Variants in THSD4 observed in about 807,000 individuals in gnomAD.
The protein encoded by THSD4 is thrombospondin type 1 domain containing 4, also known as thrombospondin type-1 domain-containing protein 4.
A neutral mutation model predicts 119.0 loss-of-function variants in THSD4; 69 were observed. The observed-to-expected ratio is 0.58, with a 90% CI of 0.48 to 0.71. The LOEUF (loss-of-function observed/expected upper bound fraction) is 0.71, where lower values mean the gene tolerates loss of function less well. Ranked by LOEUF, THSD4 falls within the 30% of genes least tolerant of loss-of-function variation. The pLI is 0.00. For missense variants in THSD4, 1,393 were observed against 1,391.1 expected (o/e 1.00, Z -0.02); for synonymous variants, 524 against 540.4 (o/e 0.97, Z 0.42).
chr15:71,639,532 A>G (rs1170705979), intron 7 of THSD4, among the ~76,000 whole-genome samples: 1 of 152,208 alleles, frequency 6.6e-6, no homozygotes, highest in Non-Finnish European at 1.5e-5. Context: ...ATTTTACTTA[A>G]TTCAAGAATT....
At chr15:71,585,219 T>C (rs2140857931) in intron 7 of THSD4, among the ~76,000 whole-genome samples, 1 of 152,356 alleles carries the variant, frequency 6.6e-6, no homozygotes, top group East Asian at 1.9e-4. Context: ...AATTCGTGTC[T>C]TTTTGTTTCA....
chr15:71,140,842 C>T (rs982143704), intron 1 of THSD4, among the ~76,000 whole-genome samples: 6 of 152,114 alleles, frequency 3.9e-5, no homozygotes, highest in Non-Finnish European at 8.8e-5. Flanking sequence ...AAACACTGTA[C>T]CCTCCCATGA....
intron 7 of THSD4, among the ~76,000 whole-genome samples, chr15:71,473,958 G>A (rs9635318): frequency 0.18 from 26,772 of 152,036 alleles, 2,702 homozygotes; most frequent in South Asian, 0.36. Flanking sequence ...AAAGCATCCC[G>A]GGATCTCACT....
chr15:71,438,890 C>A (rs1209584731), intron 7 of THSD4, among the ~76,000 whole-genome samples: 1 of 152,172 alleles, frequency 6.6e-6, no homozygotes, highest in African/African-American at 2.4e-5. Flanking sequence ...CTTAACAAGA[C>A]TTCCTGTTTA....
chr15:71,535,307 T>C (rs1305945026), intron 7 of THSD4, among the ~76,000 whole-genome samples: 1 of 152,238 alleles, frequency 6.6e-6, no homozygotes, highest in East Asian at 1.9e-4. Flanking sequence ...CATGTATCGA[T>C]ACTTCGTTGC....
chr15:71,765,147 C>G lies in THSD4; in HGVS notation c.2717C>G (p.Ser906Cys). The change falls in exon 16 of 18, where the codon TCC becomes TGC. Residue 906 changes from serine (S) to cysteine (C), a missense_variant. Ser to Cys is a moderately radical substitution (Grantham distance 112, BLOSUM62 -1). Coordinates refer to ENST00000261862, the MANE Select transcript of THSD4 (RefSeq NM_024817.3). Reference sequence around the variant, plus strand: ...CTGGAGAAACCCCCCAGCCAGCAATCCTGCCACCTCAAGCCTTGCGGAGCC... The same window carrying G: ...CTGGAGAAACCCCCCAGCCAGCAATGCTGCCACCTCAAGCCTTGCGGAGCC... ...SFLEKPPSQQSCHLKPCGAKW... is the reference protein window; with the variant it reads ...SFLEKPPSQQCCHLKPCGAKW... 4 of 1,614,224 alleles carry G rather than the reference C, an allele frequency of 2.5e-6. No homozygotes were observed. Among genetic ancestry groups the G allele is most frequent in the Non-Finnish European group, 3.4e-6 (4 of 1,180,044 alleles).
intron 5 of THSD4, among the ~76,000 whole-genome samples, chr15:71,248,679 T>C (rs1430571633): frequency 1.3e-5 from 2 of 152,116 alleles, no homozygotes; most frequent in Non-Finnish European, 2.9e-5. Context: ...AATGGATTTA[T>C]CCATATGGAG....
At position 71,155,044 on chromosome 15, in the gene THSD4, G is replaced by A. The variant is rs563147886; in HGVS notation, c.99+112G>A. The stretch of plus-strand genomic sequence containing the variant: ...AGGTGAGTCACCACTGATCCTGAAA[G>A]GAAGCACCATTTACAGAATATGGAG... On this transcript the variant is annotated intron_variant, in intron 3 of 17. Transcript: ENST00000261862. 4.1e-6 allele frequency: 4 copies of A among 976,716 alleles called. No individual in the cohort carries two copies. The African/African-American group carries it at 4.8e-5, about 12-fold the overall frequency. 60.5% of individuals were successfully genotyped at this position (976,716 alleles called of 1,614,324 possible). A position where few individuals can be genotyped will look rare whatever the true frequency, so the allele number is the denominator to read the frequency against.
chr15:71,228,657 G>C (rs1161231125), intron 4 of THSD4, among the ~76,000 whole-genome samples: 3 of 152,160 alleles, frequency 2.0e-5, no homozygotes, highest in African/African-American at 7.2e-5. Context: ...GAGCCAGTAG[G>C]CTGCAGAGCA....
chr15:71,366,662 A>T (rs977785537), intron 6 of THSD4, among the ~76,000 whole-genome samples: 4 of 152,086 alleles, frequency 2.6e-5, no homozygotes, highest in African/African-American at 9.7e-5. Flanking sequence ...TTTCAAATCA[A>T]TGCAGTCTGG....
At chr15:71,351,363 G>A (rs907786062) in intron 6 of THSD4, among the ~76,000 whole-genome samples, 1 of 151,730 alleles carries the variant, frequency 6.6e-6, no homozygotes, top group African/African-American at 2.4e-5. Flanking sequence ...GATTGCAAAG[G>A]GAAAAGAAAA....
At position 71,432,049 on chromosome 15, in the gene THSD4, T is replaced by A. The variant is rs192811351; in HGVS notation, c.1152+20226T>A. On this transcript the variant is annotated intron_variant, in intron 7 of 17. Transcript: ENST00000261862. The stretch of plus-strand genomic sequence containing the variant: ...TTTTTGTGGCATACAAGATTTAACA[T>A]TACGATTATGACTGGTAACATAAAC... 1.6e-4 allele frequency among the ~76,000 whole-genome samples: 24 copies of A among 152,266 alleles called. No homozygotes were observed. The East Asian group carries it at 4.1e-3, about 26-fold the overall frequency.
chr15:71,407,347 G>A lies in THSD4; in HGVS notation c.1016-4340G>A, dbSNP rs188702411. 1.4e-4 allele frequency among the ~76,000 whole-genome samples: 21 copies of A among 152,222 alleles called. No individual in the cohort carries two copies. In the East Asian group the frequency reaches 3.5e-3, roughly 25 times the overall value. On this transcript the variant is annotated intron_variant, in intron 6 of 17. Coordinates refer to ENST00000261862, the MANE Select transcript of THSD4 (RefSeq NM_024817.3). ...TGCTTAGGATCAGCTTTCTTGGGTC[G>A]GCTAAGTCATTACAATGAGTCCTTC...
intron 6 of THSD4, among the ~76,000 whole-genome samples, chr15:71,264,952 A>C (rs147199379): frequency 6.6e-6 from 1 of 152,104 alleles, no homozygotes; most frequent in African/African-American, 2.4e-5. Context: ...CCCCCAGCGT[A>C]TTTGAAGATG....
At chr15:71,495,927 G>A (rs191597928) in intron 7 of THSD4, among the ~76,000 whole-genome samples, 4 of 152,288 alleles carry the variant, frequency 2.6e-5, no homozygotes, top group Admixed American at 6.5e-5. Context: ...CTTTGGCAGC[G>A]TTCAGGACAG....
chr15:71,708,533 G>A (rs942818628), intron 8 of THSD4, among the ~76,000 whole-genome samples: 2 of 152,174 alleles, frequency 1.3e-5, no homozygotes, highest in Non-Finnish European at 2.9e-5. Flanking sequence ...AACTGAAAGG[G>A]TATATCATTT....
At chr15:71,442,236 A>T (rs1002973193) in intron 7 of THSD4, among the ~76,000 whole-genome samples, 1 of 151,236 alleles carries the variant, frequency 6.6e-6, no homozygotes, top group Non-Finnish European at 1.5e-5. Flanking sequence ...GGGATTACAG[A>T]CATGAGCCAC....
At chr15:71,445,784 CAGAA>C (rs2047172139) in intron 7 of THSD4, among the ~76,000 whole-genome samples, 1 of 152,212 alleles carries the variant, frequency 6.6e-6, no homozygotes, top group South Asian at 2.1e-4. Flanking sequence ...GCTAATGGCT[CAGAA>C]AGTTCTTTTC....
At chr15:71,689,921 C>G (rs1458262902) in intron 8 of THSD4, among the ~76,000 whole-genome samples, 1 of 152,186 alleles carries the variant, frequency 6.6e-6, no homozygotes, top group East Asian at 1.9e-4. Flanking sequence ...TTTCATGAGG[C>G]AACCTCTTCA....
Sources: allele counts gnomAD v4.1 joint callset (sites outside exome capture counted in the v4.1 genomes callset), GRCh38; gene constraint gnomAD v4.1.1; transcripts MANE v1.5; gene names NCBI Gene and HGNC (gene_info 2026-07-23, HGNC 2026-07-21).